Variants in ARHGAP15 observed in about 807,000 individuals in gnomAD.
ARHGAP15 encodes rho GTPase-activating protein 15.
In ARHGAP15, 51 loss-of-function variants were observed where a neutral mutation model predicts 63.7. That is an observed-to-expected ratio of 0.80 (90% CI 0.64 to 1.01). The LOEUF (loss-of-function observed/expected upper bound fraction) is 1.01, where lower values mean the gene tolerates loss of function less well. ARHGAP15 is among the 50% of genes least tolerant of loss of function. ARHGAP15 has a pLI of 0.00. For synonymous variants in ARHGAP15, 191 were observed against 193.8 expected, an observed-to-expected ratio of 0.99 and a Z score of 0.12; for missense variants, 560 against 564.6, an observed-to-expected ratio of 0.99 and a Z score of 0.08.
intron 5 of ARHGAP15, chr2:143,238,094 A>G (rs1030682652): frequency 2.0e-5 from 3 of 152,190 alleles, no homozygotes; most frequent in African/African-American, 7.2e-5. Context: ...TAAAAACTCT[A>G]GAATGAAATC....
chr2:143,643,976 C>T (rs137888196), intron 12 of ARHGAP15, among the ~76,000 whole-genome samples: 22 of 152,062 alleles, frequency 1.4e-4, no homozygotes, highest in South Asian at 6.2e-4. Context: ...AGACAGAATC[C>T]GGACAGTTGT....
chr2:143,551,062 A>G (rs1695541569), intron 10 of ARHGAP15, among the ~76,000 whole-genome samples: 1 of 152,236 alleles, frequency 6.6e-6, no homozygotes, highest in Non-Finnish European at 1.5e-5. Flanking sequence ...TAAGCTCTTT[A>G]TCTTTTCTGA....
chr2:143,269,812 T>C (rs1681182838), intron 6 of ARHGAP15, among the ~76,000 whole-genome samples: 1 of 152,194 alleles, frequency 6.6e-6, no homozygotes, highest in East Asian at 1.9e-4. Context: ...AGGTTTATGA[T>C]ACCAATCTTG....
At chr2:143,679,861 A>G (rs977026723) in intron 12 of ARHGAP15, among the ~76,000 whole-genome samples, 2 of 152,046 alleles carry the variant, frequency 1.3e-5, no homozygotes, top group Non-Finnish European at 2.9e-5. Flanking sequence ...ATCTCAGGCC[A>G]CCTGTCTATC....
At chr2:143,310,634 T>C (rs572128221) in intron 6 of ARHGAP15, among the ~76,000 whole-genome samples, 1 of 152,214 alleles carries the variant, frequency 6.6e-6, no homozygotes, top group African/African-American at 2.4e-5. Context: ...GTAATATGCA[T>C]AAAGCTCTGT....
chr2:143,399,663 T>G (rs541811950), intron 6 of ARHGAP15, among the ~76,000 whole-genome samples: 1 of 152,086 alleles, frequency 6.6e-6, no homozygotes, highest in African/African-American at 2.4e-5. Context: ...GAAAAAAGCC[T>G]CTTAAAAAGG....
chr2:143,198,873 G>A (rs576988579), intron 2 of ARHGAP15, among the ~76,000 whole-genome samples: 11 of 152,178 alleles, frequency 7.2e-5, no homozygotes, highest in African/African-American at 2.4e-4. Context: ...TACTTTCCAG[G>A]AGAATTACTT....
chr2:143,745,626 A>T (rs1436053160), intron 13 of ARHGAP15, among the ~76,000 whole-genome samples: 1 of 152,212 alleles, frequency 6.6e-6, no homozygotes, highest in Admixed American at 6.5e-5. Context: ...AAATATTCAT[A>T]TATATGCAAG....
intron 12 of ARHGAP15, among the ~76,000 whole-genome samples, chr2:143,642,868 G>A (rs762268627): frequency 2.6e-5 from 4 of 152,228 alleles, no homozygotes; most frequent in Non-Finnish European, 4.4e-5. Flanking sequence ...TGTGGAAAGT[G>A]AGGAATTGGG....
chr2:143,569,291 T>C (rs1696362128), intron 11 of ARHGAP15, among the ~76,000 whole-genome samples: 1 of 152,216 alleles, frequency 6.6e-6, no homozygotes, highest in African/African-American at 2.4e-5. Context: ...CAGGCTCTGG[T>C]GGATCATCCA....
At chr2:143,529,216 T>C (rs1694418287) in intron 10 of ARHGAP15, among the ~76,000 whole-genome samples, 1 of 152,126 alleles carries the variant, frequency 6.6e-6, no homozygotes, top group African/African-American at 2.4e-5. Flanking sequence ...ATATTCCCCA[T>C]TGCCCTAGAA....
intron 13 of ARHGAP15, among the ~76,000 whole-genome samples, chr2:143,751,623 C>G (rs1007548783): frequency 6.6e-6 from 1 of 152,116 alleles, no homozygotes; most frequent in African/African-American, 2.4e-5. Context: ...ACTCTCTATT[C>G]GAGACTCCCC....
intron 4 of ARHGAP15, among the ~76,000 whole-genome samples, chr2:143,227,666 C>T (rs1272845366): frequency 6.6e-6 from 1 of 152,090 alleles, no homozygotes; most frequent in Admixed American, 6.5e-5. Context: ...TTAAAACCTT[C>T]GCACATCAGT....
intron 6 of ARHGAP15, among the ~76,000 whole-genome samples, chr2:143,323,549 C>T (rs1684116044): frequency 6.6e-6 from 1 of 152,076 alleles, no homozygotes; most frequent in Non-Finnish European, 1.5e-5. Flanking sequence ...AAAAATCAGT[C>T]TTACCTCAAA....
At chr2:143,549,411 CAAAT>C (rs1695465235) in intron 10 of ARHGAP15, among the ~76,000 whole-genome samples, 1 of 152,090 alleles carries the variant, frequency 6.6e-6, no homozygotes, top group African/African-American at 2.4e-5. Flanking sequence ...TGGGATCAAA[CAAAT>C]AGAGAAATGA....
chr2:143,362,600 TG>T (rs1686110486), intron 6 of ARHGAP15, among the ~76,000 whole-genome samples: 1 of 152,250 alleles, frequency 6.6e-6, no homozygotes, highest in Non-Finnish European at 1.5e-5. Context: ...GTTTCTTTGA[TG>T]TCTTTATTTG....
chr2:143,518,687 G>A (rs2104981258), intron 9 of ARHGAP15, among the ~76,000 whole-genome samples: 1 of 152,282 alleles, frequency 6.6e-6, no homozygotes, highest in East Asian at 1.9e-4. Flanking sequence ...ATAGGAAGGA[G>A]TTAGTGAAGA....
At chr2:143,310,598 G>A (rs138699009) in intron 6 of ARHGAP15, among the ~76,000 whole-genome samples, 2 of 151,546 alleles carry the variant, frequency 1.3e-5, no homozygotes, top group African/African-American at 4.8e-5. Flanking sequence ...ATTTATTTTT[G>A]CAAAAGCTAT....
chr2:143,212,279 G>C lies in ARHGAP15; in HGVS notation c.235-4105G>C, dbSNP rs540328931. Among the ~76,000 whole-genome samples, 65 of 152,252 alleles carry C rather than the reference G, an allele frequency of 4.3e-4. No individual in the cohort carries two copies. The South Asian group carries it at 0.012, about 29-fold the overall frequency. On this transcript the variant is annotated intron_variant, in intron 3 of 13. Transcript: ENST00000295095. ...TAGGTTGATAAACAGGTGCTATCTG[G>C]GTATCCCACTGCCATTCATTCTTCT...
Sources: gnomAD v4.1 joint callset for allele counts (sites outside exome capture counted in the v4.1 genomes callset) on GRCh38, gnomAD v4.1.1 for gene constraint, MANE v1.5 for transcripts, NCBI Gene and HGNC (gene_info 2026-07-23, HGNC 2026-07-21) for gene names.